RPL37: variants seen among roughly 807,000 people sequenced by gnomAD.
RPL37 encodes the protein large ribosomal subunit protein eL37.
Under a neutral mutation model 14.8 loss-of-function variants are expected in RPL37, and 1 was observed. That is an observed-to-expected ratio of 0.07 (90% CI 0.02 to 0.32). RPL37 has a LOEUF of 0.32. RPL37 is among the 10% of genes least tolerant of loss of function. The probability of loss-of-function intolerance (pLI) is 1.00; values close to 1 mark genes in which losing one functional copy is unlikely to be tolerated. For missense variants in RPL37, 100 were observed against 128.3 expected, an observed-to-expected ratio of 0.78 and a Z score of 1.06; for synonymous variants, 53 against 45.8, an observed-to-expected ratio of 1.16 and a Z score of -0.63.
In RPL37 at chr5:40,835,165, A is replaced by G. The variant is rs1305010541; in HGVS notation, c.3+18T>C. Reference sequence around the variant, plus strand: ...CGAGGATGGAACGCGATTCACAAACACCACAGTCACAACTCACCATCTCGC... The same window carrying G: ...CGAGGATGGAACGCGATTCACAAACGCCACAGTCACAACTCACCATCTCGC... On this transcript the variant is annotated intron_variant, in intron 1 of 3. Transcript: ENST00000274242. 6.2e-7 allele frequency: 1 copy of G among 1,614,076 alleles called. No homozygotes were observed. Among genetic ancestry groups the G allele is most frequent in the Admixed American group, 1.7e-5 (1 of 59,994 alleles).
Position 40,828,015 on chromosome 5 carries a change from C to T in RPL37, c.*4489G>A, listed in dbSNP as rs764024841. On this transcript the variant is annotated 3_prime_UTR_variant, in exon 4 of 4. Coordinates refer to ENST00000274242, the MANE Select transcript of RPL37 (RefSeq NM_000997.5). ...AAATGTGCTAATAAATGTGAAACAG[C>T]CTCTTTCTCTGAAACAAGTTCTTCA... The T allele has an allele frequency of 5.9e-5, 9 of 152,140 alleles. No homozygotes were observed. The highest frequency in any genetic ancestry group is 3.3e-4 in the Admixed American group (5 of 15,278). 9.4% of individuals were successfully genotyped at this position (152,140 alleles called of 1,614,324 possible).
rs1206092794 is a variant in RPL37 at position 40,832,182 on chromosome 5, T to C, written c.*322A>G. 3.4e-6 allele frequency: 1 copy of C among 292,252 alleles called. No individual in the cohort carries two copies. Among genetic ancestry groups the C allele is most frequent in the East Asian group, 6.8e-5 (1 of 14,766 alleles). The allele number at this position is 292,252 out of a possible 1,614,324, so 18.1% of individuals were successfully genotyped here. On this transcript the variant is annotated 3_prime_UTR_variant, in exon 4 of 4. Transcript: ENST00000274242. ...AAACATCATACTCTTTCAAATTTAC[T>C]CAAACATCTAAAATACCCACCTATG...
rs1745711867 is a variant in RPL37, at chr5:40,834,231, G to T, written c.174C>A (p.Thr58=). The change falls in exon 3 of 4, where the codon ACC becomes ACA. Residue 58 remains threonine (T), a synonymous_variant. Transcript: ENST00000274242. ...NWSAKAKRRN[T]TGTGRMRHLK... ...GGTGCCTCATTCGACCAGTTCCGGT[G>T]GTATTTCGTCTTTTAGCCTTGGCAC... is the stretch of plus-strand genomic sequence containing the variant. The T allele has an allele frequency of 1.9e-6, 3 of 1,613,896 alleles. No homozygotes were observed. Among genetic ancestry groups the T allele is most frequent in the Non-Finnish European group, 2.5e-6 (3 of 1,179,976 alleles).
In RPL37 at chr5:40,826,808, G is replaced by A. The variant is rs1167353652; in HGVS notation, c.*5696C>T. 1 of 152,196 alleles carries A rather than the reference G, an allele frequency of 6.6e-6. No homozygotes were observed. Among genetic ancestry groups the A allele is most frequent in the African/African-American group, 2.4e-5 (1 of 41,424 alleles). The allele number at this position is 152,196 out of a possible 1,614,324, so 9.4% of individuals were successfully genotyped here. Reference sequence around the variant, plus strand: ...AATTACAGACTTTTCTTGAGACAGGGTCTTTGTCATCCAGGCTGGAGTGCA... The same window carrying A: ...AATTACAGACTTTTCTTGAGACAGGATCTTTGTCATCCAGGCTGGAGTGCA... On this transcript the variant is annotated 3_prime_UTR_variant, in exon 4 of 4. Transcript: ENST00000274242.
intron 3 of RPL37, 32 bp from the exon 4 acceptor site, chr5:40,832,605 T>C (rs567083522): frequency 3.9e-6 from 6 of 1,545,990 alleles, no homozygotes; most frequent in Admixed American, 3.3e-5. Flanking sequence ...AACAAGTTAC[T>C]TCAGCAACAT....
chr5:40,834,433 C>G (rs746847630), intron 2 of RPL37, 38 bp downstream of exon 2: 2 of 1,602,890 alleles, frequency 1.2e-6, no homozygotes, highest in Admixed American at 1.7e-5. Flanking sequence ...GCAATACAAA[C>G]AAAAGCTAAC....
In RPL37 at chr5:40,832,221, G is replaced by A. The variant is rs570225017; in HGVS notation, c.*283C>T. ...TACCCACCTATGCCACATGAGCTGTGCTATTTTAATCTGCTATATTGTCTT... is the reference window on the plus strand; with the variant it reads ...TACCCACCTATGCCACATGAGCTGTACTATTTTAATCTGCTATATTGTCTT... On this transcript the variant is annotated 3_prime_UTR_variant, in exon 4 of 4. Transcript: ENST00000274242. 1.0e-5 allele frequency: 4 copies of A among 391,996 alleles called. No homozygotes were observed. In the Admixed American group the frequency reaches 1.5e-4, roughly 14 times the overall value. The allele number at this position is 391,996 out of a possible 1,614,324, so 24.3% of individuals were successfully genotyped here.
chr5:40,831,910 C>CA lies in RPL37; in HGVS notation c.*593dup, dbSNP rs942233846. On this transcript the variant is annotated 3_prime_UTR_variant, in exon 4 of 4. Coordinates refer to ENST00000274242, the MANE Select transcript of RPL37 (RefSeq NM_000997.5). ...CCCTACTTTTTCTCAAACCTATTTACATATTCTTAAGTTGACTCACACCTA... is the reference window on the plus strand; with the variant it reads ...CCCTACTTTTTCTCAAACCTATTTACAATATTCTTAAGTTGACTCACACCTA... 6.5e-6 allele frequency: 1 copy of CA among 152,856 alleles called. No individual in the cohort carries two copies. The highest frequency in any genetic ancestry group is 2.4e-5 in the African/African-American group (1 of 41,452). The allele number at this position is 152,856 out of a possible 1,614,324, so 9.5% of individuals were successfully genotyped here.
rs948446413 is a variant in RPL37, at chr5:40,828,635, G to A, written c.*3869C>T. 1 of 152,182 alleles carries A rather than the reference G, an allele frequency of 6.6e-6. No individual in the cohort carries two copies. Among genetic ancestry groups the A allele is most frequent in the African/African-American group, 2.4e-5 (1 of 41,446 alleles). The allele number at this position is 152,182 out of a possible 1,614,324, so 9.4% of individuals were successfully genotyped here. A position where few individuals can be genotyped will look rare whatever the true frequency, so the allele number is the denominator to read the frequency against. On this transcript the variant is annotated 3_prime_UTR_variant, in exon 4 of 4. Coordinates refer to ENST00000274242, the MANE Select transcript of RPL37 (RefSeq NM_000997.5). ...AGAGGTTTATGAAAAGTAAAGACTA[G>A]CCTAAATTTTGCCAAATCCAGAATT...
rs913107183 is a variant in RPL37, at chr5:40,827,157, T to C, written c.*5347A>G. The C allele has an allele frequency of 6.6e-6, 1 of 152,194 alleles. No individual in the cohort carries two copies. The highest frequency in any genetic ancestry group is 1.5e-5 in the Non-Finnish European group (1 of 68,068). The allele number at this position is 152,194 out of a possible 1,614,324, so 9.4% of individuals were successfully genotyped here. Reference sequence around the variant, plus strand: ...GGAACCTCCAAAGAGGTCATACAAATGCCTGAGACAGAAAAAGTCGATTTA... The same window carrying C: ...GGAACCTCCAAAGAGGTCATACAAACGCCTGAGACAGAAAAAGTCGATTTA... On this transcript the variant is annotated 3_prime_UTR_variant, in exon 4 of 4. Coordinates refer to ENST00000274242, the MANE Select transcript of RPL37 (RefSeq NM_000997.5).
chr5:40,832,810 T>C (rs984925387), intron 3 of RPL37: 6 of 580,506 alleles, frequency 1.0e-5, no homozygotes. Flanking sequence ...GCTCAAAAAC[T>C]TATTTGGCTA....
rs1016601901 is a variant in RPL37 at position 40,831,342 on chromosome 5, G to A, written c.*1162C>T. The A allele has an allele frequency of 6.6e-6, 1 of 152,348 alleles. No homozygotes were observed. Among genetic ancestry groups the A allele is most frequent in the African/African-American group, 2.4e-5 (1 of 41,454 alleles). 9.4% of individuals were successfully genotyped at this position (152,348 alleles called of 1,614,324 possible). ...TCTCACATTTCGGGAGGAAGCCCAA[G>A]AGAGATTTAATCAGCAGGGTTTCTT... On this transcript the variant is annotated 3_prime_UTR_variant, in exon 4 of 4. Transcript: ENST00000274242.
At chr5:40,835,098 T>G in intron 1 of RPL37, 85 bp downstream of exon 1, 1 of 1,589,996 alleles carries the variant, frequency 6.3e-7, no homozygotes. Context: ...ATCCGGAATC[T>G]TGCCAGCCCC....
At position 40,831,243 on chromosome 5, in the gene RPL37, T is replaced by C. The variant is rs931057674; in HGVS notation, c.*1261A>G. 3 of 152,306 alleles carry C rather than the reference T, an allele frequency of 2.0e-5. No homozygotes were observed. Among genetic ancestry groups the C allele is most frequent in the Non-Finnish European group, 2.9e-5 (2 of 68,034 alleles). The allele number at this position is 152,306 out of a possible 1,614,324, so 9.4% of individuals were successfully genotyped here. A position where few individuals can be genotyped will look rare whatever the true frequency, so the allele number is the denominator to read the frequency against. On this transcript the variant is annotated 3_prime_UTR_variant, in exon 4 of 4. Coordinates refer to ENST00000274242, the MANE Select transcript of RPL37 (RefSeq NM_000997.5). ...AATTAGAGGCTGCAGTGAGCCAGGA[T>C]TGCGCCATTGCACTATCTGTAAACA...
rs1350575686 is a variant in RPL37 at position 40,830,966 on chromosome 5, G to A, written c.*1538C>T. On this transcript the variant is annotated 3_prime_UTR_variant, in exon 4 of 4. Coordinates refer to ENST00000274242, the MANE Select transcript of RPL37 (RefSeq NM_000997.5). ...TTCACTTGAAAATTTGATGATGACAGCCGGGAGTGGTGGCTCACGCCTGTA... is the reference window on the plus strand; with the variant it reads ...TTCACTTGAAAATTTGATGATGACAACCGGGAGTGGTGGCTCACGCCTGTA... 6.6e-6 allele frequency: 1 copy of A among 152,040 alleles called. No individual in the cohort carries two copies. The highest frequency in any genetic ancestry group is 1.5e-5 in the Non-Finnish European group (1 of 68,032). The allele number at this position is 152,040 out of a possible 1,614,324, so 9.4% of individuals were successfully genotyped here. A position where few individuals can be genotyped will look rare whatever the true frequency, so the allele number is the denominator to read the frequency against.
At chr5:40,832,807 A>G (rs1745671817) in intron 3 of RPL37, 3 of 589,662 alleles carry the variant, frequency 5.1e-6, no homozygotes, top group South Asian at 4.9e-5. Flanking sequence ...AAGGCTCAAA[A>G]ACTTATTTGG....
At chr5:40,832,596 AC>A in intron 3 of RPL37, 23 bp from the exon 4 acceptor site, 1 of 1,600,742 alleles carries the variant, frequency 6.2e-7, no homozygotes, top group South Asian at 1.1e-5. Flanking sequence ...AAAAACAAGA[AC>A]AAGTTACTTC....
Position 40,830,323 on chromosome 5 carries a change from T to C in RPL37, c.*2181A>G, listed in dbSNP as rs1745615627. On this transcript the variant is annotated 3_prime_UTR_variant, in exon 4 of 4. Transcript: ENST00000274242. ...CTGTTAAAGATAGAAATATAGACAATAGGTGGGGTGTGGTGGCTCGTCCCT... is the reference window on the plus strand; with the variant it reads ...CTGTTAAAGATAGAAATATAGACAACAGGTGGGGTGTGGTGGCTCGTCCCT... 1 of 151,910 alleles carries C rather than the reference T, an allele frequency of 6.6e-6. No homozygotes were observed. The highest frequency in any genetic ancestry group is 1.5e-5 in the Non-Finnish European group (1 of 68,008). 9.4% of individuals were successfully genotyped at this position (151,910 alleles called of 1,614,324 possible).
At position 40,834,554 on chromosome 5, in the gene RPL37, CACA is replaced by C. The variant is rs771475489; in HGVS notation, c.53_55del (p.Leu18del). 1 of 1,614,070 alleles carries C rather than the reference CACA, an allele frequency of 6.2e-7. No homozygotes were observed. On this transcript the variant is annotated inframe_deletion, in exon 2 of 4. Transcript: ENST00000274242. Reference sequence around the variant, plus strand: ...GTAGGCCTTAGAGCCACAGCGGCGGCACAACGTGTGCGTCTTATTGCGACGCTT... The same window carrying C: ...GTAGGCCTTAGAGCCACAGCGGCGGCACGTGTGCGTCTTATTGCGACGCTT...
Sources: allele counts gnomAD v4.1 joint callset, GRCh38; gene constraint gnomAD v4.1.1; transcripts MANE v1.5; gene names NCBI Gene and HGNC (gene_info 2026-07-23, HGNC 2026-07-21).